DIAPH2: variants seen among roughly 807,000 people sequenced by gnomAD.
DIAPH2 encodes protein diaphanous homolog 2.
In DIAPH2, 35 loss-of-function variants were observed where a neutral mutation model predicts 92.7. That is an observed-to-expected ratio of 0.38 (90% CI 0.29 to 0.50). The LOEUF (loss-of-function observed/expected upper bound fraction) is 0.50. Among genes scored for constraint, DIAPH2 ranks in the 20% least tolerant of loss-of-function variants. DIAPH2 has a pLI of 0.94. For missense variants in DIAPH2, 701 were observed against 819.5 expected, an observed-to-expected ratio of 0.86 and a Z score of 1.77; for synonymous variants, 301 against 280.4, an observed-to-expected ratio of 1.07 and a Z score of -0.73.
chrX:97,072,378 A>G (rs1347863145), intron 17 of DIAPH2, among the ~76,000 whole-genome samples: 1 of 112,630 alleles, frequency 8.9e-6, no homozygotes, highest in Non-Finnish European at 1.9e-5. Context: ...TACTCAAAAG[A>G]ACACATTGCT....
chrX:97,507,878 G>T (rs1013313999), intron 26 of DIAPH2, among the ~76,000 whole-genome samples: 2 of 111,263 alleles, frequency 1.8e-5, no homozygotes, highest in African/African-American at 6.5e-5. Context: ...TGAGAGGAGA[G>T]TGGAAGGGAA....
intron 26 of DIAPH2, among the ~76,000 whole-genome samples, chrX:97,516,164 A>C (rs1354010086): frequency 9.0e-6 from 1 of 110,513 alleles, no homozygotes. Context: ...CTGAGGCAGG[A>C]GAATCGCTGG....
chrX:96,957,100 A>G (rs1329768623), intron 15 of DIAPH2, among the ~76,000 whole-genome samples: 1 of 112,497 alleles, frequency 8.9e-6, no homozygotes, highest in African/African-American at 3.2e-5. Flanking sequence ...AGCTCACTGC[A>G]ACCTCTGCCT....
chrX:97,294,477 GT>G (rs745337210), intron 23 of DIAPH2, among the ~76,000 whole-genome samples: 2 of 111,532 alleles, frequency 1.8e-5, no homozygotes, highest in Non-Finnish European at 3.8e-5. Context: ...ACTTTGTCTA[GT>G]TTTTTTAAGA....
At chrX:97,129,824 A>G (rs2067126219) in intron 21 of DIAPH2, among the ~76,000 whole-genome samples, 1 of 111,358 alleles carries the variant, frequency 9.0e-6, no homozygotes, top group Admixed American at 9.6e-5. Flanking sequence ...AAAAAAGGCA[A>G]CCCACAGAAT....
At chrX:97,445,325 G>A (rs1281970846) in intron 26 of DIAPH2, among the ~76,000 whole-genome samples, 1 of 111,518 alleles carries the variant, frequency 9.0e-6, no homozygotes, top group South Asian at 3.8e-4. Flanking sequence ...TTATGGTCCT[G>A]AGGCTTTTTG....
chrX:97,213,665 T>C, intron 22 of DIAPH2, among the ~76,000 whole-genome samples: 1 of 112,300 alleles, frequency 8.9e-6, no homozygotes, highest in Non-Finnish European at 1.9e-5. Context: ...ACTTAAGCAA[T>C]ATACAAATGT....
intron 17 of DIAPH2, among the ~76,000 whole-genome samples, chrX:97,047,159 A>G (rs1221654535): frequency 2.7e-5 from 3 of 111,508 alleles, no homozygotes; most frequent in Non-Finnish European, 5.7e-5. Flanking sequence ...AATGGAAAAG[A>G]TGGAGTAGCT....
chrX:97,477,011 A>ACG (rs1186903100), intron 26 of DIAPH2, among the ~76,000 whole-genome samples: 11 of 97,786 alleles, frequency 1.1e-4, no homozygotes, highest in African/African-American at 3.8e-4. Flanking sequence ...ACACACACAC[A>ACG]CACACACACA....
intron 4 of DIAPH2, among the ~76,000 whole-genome samples, chrX:96,875,784 A>C (rs780725417): frequency 9.0e-6 from 1 of 111,622 alleles, no homozygotes; most frequent in African/African-American, 3.3e-5. Flanking sequence ...AAAAGACTTA[A>C]AGGTTAGACC....
rs776753818 is a variant in DIAPH2, at chrX:96,817,528, C to T, written c.447+59270C>T. On this transcript the variant is annotated intron_variant, in intron 4 of 26. Coordinates refer to ENST00000324765, the MANE Select transcript of DIAPH2 (RefSeq NM_006729.5). ...TTATATATTGGAGGCTATTTTCTTT[C>T]GGGCTGCTATAACAAAGTTATGTTA... Among the ~76,000 whole-genome samples the T allele has an allele frequency of 2.2e-4, 25 of 111,316 alleles. No individual in the cohort carries two copies. The South Asian group carries it at 5.8e-3, about 26-fold the overall frequency.
At chrX:97,438,538 C>T (rs1196758481) in intron 26 of DIAPH2, among the ~76,000 whole-genome samples, 1 of 106,423 alleles carries the variant, frequency 9.4e-6, no homozygotes, top group African/African-American at 3.4e-5. Flanking sequence ...GCTATTTTTA[C>T]TTATTTATTT....
chrX:97,081,248 G>A (rs908636360), intron 19 of DIAPH2, among the ~76,000 whole-genome samples: 6 of 111,077 alleles, frequency 5.4e-5, no homozygotes, highest in African/African-American at 2.0e-4. Flanking sequence ...CTCTTAAATA[G>A]GTGATTAAAA....
chrX:96,789,913 A>C (rs233673), intron 4 of DIAPH2, among the ~76,000 whole-genome samples: 45,879 of 109,312 alleles, frequency 0.42, 8,361 homozygotes, highest in African/African-American at 0.71. Flanking sequence ...CAGATCGTGC[A>C]ATTTTCTTTA....
intron 17 of DIAPH2, among the ~76,000 whole-genome samples, chrX:96,978,527 G>A (rs1028773073): frequency 7.3e-5 from 8 of 110,115 alleles, no homozygotes; most frequent in African/African-American, 2.6e-4. Context: ...AAAATATCTC[G>A]TCTATTTTAA....
intron 24 of DIAPH2, among the ~76,000 whole-genome samples, chrX:97,364,191 C>G (rs2069356723): frequency 9.0e-6 from 1 of 111,294 alleles, no homozygotes; most frequent in Admixed American, 9.5e-5. Context: ...AGAATTTTTC[C>G]CCCCACCTCA....
intron 24 of DIAPH2, among the ~76,000 whole-genome samples, chrX:97,362,490 C>T (rs961621628): frequency 8.9e-6 from 1 of 112,181 alleles, no homozygotes; most frequent in Non-Finnish European, 1.9e-5. Flanking sequence ...TTGAAGTTAT[C>T]CTTCACTGTT....
intron 24 of DIAPH2, among the ~76,000 whole-genome samples, chrX:97,356,119 A>G (rs745563097): frequency 9.0e-6 from 1 of 111,616 alleles, no homozygotes; most frequent in Non-Finnish European, 1.9e-5. Context: ...AGAAGTAGCC[A>G]TGTTTCACAG....
At chrX:96,987,284 G>A (rs142023779) in intron 17 of DIAPH2, among the ~76,000 whole-genome samples, 43 of 111,840 alleles carry the variant, frequency 3.8e-4, no homozygotes, top group African/African-American at 1.4e-3. Context: ...TGAGATAACA[G>A]CATTATTCTA....
Sources: gnomAD v4.1 joint callset for allele counts (sites outside exome capture counted in the v4.1 genomes callset) on GRCh38, gnomAD v4.1.1 for gene constraint, MANE v1.5 for transcripts, NCBI Gene and HGNC (gene_info 2026-07-23, HGNC 2026-07-21) for gene names.